The following TNNI3K variants were observed in gnomAD, a reference collection of about 807,000 sequenced individuals.
TNNI3K encodes the protein serine/threonine-protein kinase TNNI3K.
Under a neutral mutation model 114.5 loss-of-function variants are expected in TNNI3K, and 140 were observed. The ratio of observed to expected loss-of-function variants is 1.22; its 90% confidence interval spans 1.07 to 1.41. The LOEUF (loss-of-function observed/expected upper bound fraction) is 1.41, where lower values mean the gene tolerates loss of function less well. TNNI3K is among the 40% of genes most tolerant of loss of function. The probability of loss-of-function intolerance (pLI) is 0.00; values close to 1 mark genes in which losing one functional copy is unlikely to be tolerated. For missense variants in TNNI3K, 1,125 were observed against 1,007.6 expected, an observed-to-expected ratio of 1.12 and a Z score of -1.58; for synonymous variants, 347 against 347.5, an observed-to-expected ratio of 1.00 and a Z score of 0.02.
intron 6 of TNNI3K, among the ~76,000 whole-genome samples, chr1:74,332,386 C>T (rs1318477038): frequency 3.3e-5 from 5 of 151,694 alleles, no homozygotes; most frequent in African/African-American, 7.3e-5. Context: ...CTGCAAGCTC[C>T]GCCTCCTGGG....
At chr1:74,350,418 G>A (rs531638645) in intron 9 of TNNI3K, among the ~76,000 whole-genome samples, 2 of 152,304 alleles carry the variant, frequency 1.3e-5, no homozygotes, top group African/African-American at 4.8e-5. Flanking sequence ...TAGGTGTGGT[G>A]TGGTGCTGAA....
Position 74,464,871 on chromosome 1 carries a change from C to T in TNNI3K, c.2121+1321C>T, listed in dbSNP as rs1570654274. ...ATTTTGTTCACTGCTATAACACTAACATCTAAAGCTGGATGCTTAAGAATG... is the reference window on the plus strand; with the variant it reads ...ATTTTGTTCACTGCTATAACACTAATATCTAAAGCTGGATGCTTAAGAATG... On this transcript the variant is annotated intron_variant, in intron 21 of 24. Transcript: ENST00000326637. The T allele has an allele frequency of 1.7e-5, 23 of 1,332,626 alleles. 2 individuals carry two copies. The South Asian group carries it at 5.3e-4, about 31-fold the overall frequency. The allele number at this position is 1,332,626 out of a possible 1,614,324, so 82.6% of individuals were successfully genotyped here.
intron 21 of TNNI3K, among the ~76,000 whole-genome samples, chr1:74,479,586 G>A (rs1179828679): frequency 1.3e-5 from 2 of 152,228 alleles, no homozygotes; most frequent in Non-Finnish European, 1.5e-5. Flanking sequence ...TCCAACTACA[G>A]AGCTCATTTA....
intron 20 of TNNI3K, among the ~76,000 whole-genome samples, chr1:74,445,053 A>C (rs141142409): frequency 1.8e-3 from 271 of 152,280 alleles, no homozygotes; most frequent in African/African-American, 6.2e-3. Context: ...TTAAAGACTT[A>C]AATGTAAAAC....
At chr1:74,403,658 A>G (rs1431791799) in intron 17 of TNNI3K, among the ~76,000 whole-genome samples, 1 of 152,216 alleles carries the variant, frequency 6.6e-6, no homozygotes, top group Admixed American at 6.5e-5. Flanking sequence ...GGCTTTGTTT[A>G]CATAAGCTAA....
chr1:74,249,607 G>A, intron 3 of TNNI3K, 63 bp downstream of exon 3: 3 of 1,530,900 alleles, frequency 2.0e-6, no homozygotes, highest in Non-Finnish European at 2.7e-6. Flanking sequence ...AGTGACTTGA[G>A]CTGCTTAATA....
intron 4 of TNNI3K, among the ~76,000 whole-genome samples, chr1:74,260,281 A>G (rs964335734): frequency 4.8e-4 from 73 of 152,174 alleles, no homozygotes; most frequent in Admixed American, 3.3e-4. Flanking sequence ...TTGATTCCTC[A>G]GTATATGTGA....
chr1:74,283,666 T>C (rs903796646), intron 5 of TNNI3K, among the ~76,000 whole-genome samples: 1 of 152,192 alleles, frequency 6.6e-6, no homozygotes, highest in Non-Finnish European at 1.5e-5. Flanking sequence ...CAACCTGATA[T>C]GAGAAATCCC....
intron 5 of TNNI3K, among the ~76,000 whole-genome samples, chr1:74,278,257 A>G (rs139591374): frequency 6.6e-6 from 1 of 152,298 alleles, no homozygotes; most frequent in African/African-American, 2.4e-5. Flanking sequence ...TTGGAATCAG[A>G]ACAAATAATG....
At chr1:74,484,553 T>C (rs1224869346) in intron 21 of TNNI3K, among the ~76,000 whole-genome samples, 2 of 152,166 alleles carry the variant, frequency 1.3e-5, no homozygotes, top group Non-Finnish European at 2.9e-5. Flanking sequence ...GGGCTCTAAA[T>C]ATGGCAAACA....
intron 5 of TNNI3K, among the ~76,000 whole-genome samples, chr1:74,316,015 T>C (rs1329730033): frequency 1.3e-5 from 2 of 152,180 alleles, no homozygotes; most frequent in Non-Finnish European, 2.9e-5. Flanking sequence ...AAATCAAAAT[T>C]TGAAATATAA....
intron 21 of TNNI3K, among the ~76,000 whole-genome samples, chr1:74,473,499 A>T (rs938164298): frequency 2.6e-5 from 4 of 151,940 alleles, no homozygotes; most frequent in African/African-American, 9.7e-5. Flanking sequence ...AACCGCAAAA[A>T]ATCCTAACAG....
At chr1:74,526,381 T>A (rs528303718) in intron 23 of TNNI3K, among the ~76,000 whole-genome samples, 2 of 152,156 alleles carry the variant, frequency 1.3e-5, no homozygotes, top group African/African-American at 4.8e-5. Flanking sequence ...TTTTTATTTA[T>A]GTAACTACCC....
At chr1:74,269,437 T>C (rs534697613) in intron 4 of TNNI3K, among the ~76,000 whole-genome samples, 2 of 151,954 alleles carry the variant, frequency 1.3e-5, no homozygotes, top group Non-Finnish European at 2.9e-5. Context: ...AAATGCATAA[T>C]CAAAACTGGG....
intron 23 of TNNI3K, chr1:74,512,646 A>C (rs905100794): frequency 6.6e-6 from 1 of 152,084 alleles, no homozygotes; most frequent in African/African-American, 2.4e-5. Flanking sequence ...CTTTATATGC[A>C]TCTCCACTCC....
intron 5 of TNNI3K, among the ~76,000 whole-genome samples, chr1:74,326,023 G>A (rs1659882508): frequency 6.6e-6 from 1 of 152,120 alleles, no homozygotes; most frequent in Admixed American, 6.5e-5. Context: ...TGAGACACAG[G>A]CATAGAGAAG....
In TNNI3K at chr1:74,331,469, A is replaced by G; in HGVS notation, c.464A>G (p.Gln155Arg). 1 of 1,613,528 alleles carries G rather than the reference A, an allele frequency of 6.2e-7. No homozygotes were observed. Among genetic ancestry groups the G allele is most frequent in the Non-Finnish European group, 8.5e-7 (1 of 1,179,770 alleles). The change falls in exon 6 of 25, where the codon CAA becomes CGA. Residue 155 changes from glutamine to arginine, a missense_variant. Coordinates refer to ENST00000326637, the MANE Select transcript of TNNI3K (RefSeq NM_015978.3). ...GTCCAGGCTGCTGATGTGCTGTTGCAACATGGAGCTAATGTCAATATTCAA... is the reference window on the plus strand; with the variant it reads ...GTCCAGGCTGCTGATGTGCTGTTGCGACATGGAGCTAATGTCAATATTCAA... ...GHLEAADVLL[Q>R]HGANVNIQDA...
intron 5 of TNNI3K, among the ~76,000 whole-genome samples, chr1:74,300,483 A>C (rs1658257990): frequency 6.6e-6 from 1 of 152,234 alleles, no homozygotes; most frequent in Non-Finnish European, 1.5e-5. Flanking sequence ...TATCATTTTG[A>C]TGTTAGAAGA....
At chr1:74,442,810 A>G (rs771275983) in intron 20 of TNNI3K, among the ~76,000 whole-genome samples, 1 of 152,034 alleles carries the variant, frequency 6.6e-6, no homozygotes, top group Non-Finnish European at 1.5e-5. Context: ...CATAACAAAC[A>G]GTCTCTATGG....
Sources: gnomAD v4.1 joint callset for allele counts (sites outside exome capture counted in the v4.1 genomes callset) on GRCh38, gnomAD v4.1.1 for gene constraint, MANE v1.5 for transcripts, NCBI Gene and HGNC (gene_info 2026-07-23, HGNC 2026-07-21) for gene names.